The following PHC2 variants were observed in gnomAD, a reference collection of about 807,000 sequenced individuals.
PHC2 encodes polyhomeotic homolog 2, also known as polyhomeotic-like protein 2.
A neutral mutation model predicts 87.4 loss-of-function variants in PHC2; 29 were observed. That is an observed-to-expected ratio of 0.33 (90% CI 0.25 to 0.45). The LOEUF (loss-of-function observed/expected upper bound fraction) is 0.45, where lower values mean the gene tolerates loss of function less well. PHC2 is among the 20% of genes least tolerant of loss of function. PHC2 has a pLI of 1.00. For missense variants in PHC2, 857 were observed against 1,136.7 expected, an observed-to-expected ratio of 0.75 and a Z score of 3.54; for synonymous variants, 438 against 461.7, an observed-to-expected ratio of 0.95 and a Z score of 0.66.
At chr1:33,418,158 C>T (rs1650284758) in intron 1 of PHC2, among the ~76,000 whole-genome samples, 1 of 151,984 alleles carries the variant, frequency 6.6e-6, no homozygotes, top group South Asian at 2.1e-4. Flanking sequence ...ACCTCAGCTT[C>T]TATTTTGTTA....
chr1:33,354,597 T>A, intron 8 of PHC2, 31 bp from the exon 9 acceptor site: 1 of 1,594,988 alleles, frequency 6.3e-7, no homozygotes. Context: ...GAGGGGGGCC[T>A]CTCAGAAATA....
intron 9 of PHC2, among the ~76,000 whole-genome samples, chr1:33,343,081 G>T (rs1297863139): frequency 3.3e-5 from 5 of 152,136 alleles, no homozygotes; most frequent in Admixed American, 2.6e-4. Flanking sequence ...TGTCTGGGAG[G>T]TTTCAGTAAA....
intron 1 of PHC2, among the ~76,000 whole-genome samples, chr1:33,414,725 A>C (rs1650132310): frequency 6.6e-6 from 1 of 152,198 alleles, no homozygotes; most frequent in Non-Finnish European, 1.5e-5. Flanking sequence ...GGAAGATCTA[A>C]ATCTCCTAAA....
intron 1 of PHC2, among the ~76,000 whole-genome samples, chr1:33,427,427 T>G (rs1650724131): frequency 6.6e-6 from 1 of 152,216 alleles, no homozygotes; most frequent in Admixed American, 6.5e-5. Flanking sequence ...AATCTTCCGC[T>G]TGACTGTGCT....
intron 7 of PHC2, among the ~76,000 whole-genome samples, chr1:33,355,692 C>T (rs1557830583): frequency 6.6e-6 from 1 of 152,346 alleles, no homozygotes; most frequent in East Asian, 1.9e-4. Flanking sequence ...GGCTAGTCCT[C>T]ATCCAGCCTC....
intron 1 of PHC2, among the ~76,000 whole-genome samples, chr1:33,376,418 T>G (rs1344657147): frequency 6.6e-6 from 1 of 152,208 alleles, no homozygotes; most frequent in Non-Finnish European, 1.5e-5. Context: ...TGAGATCAGG[T>G]CTGGCTGATT....
At chr1:33,365,680 G>A (rs954856522) in intron 7 of PHC2, among the ~76,000 whole-genome samples, 1 of 152,242 alleles carries the variant, frequency 6.6e-6, no homozygotes, top group African/African-American at 2.4e-5. Flanking sequence ...TGAAGCCACA[G>A]GGCCGTGAGG....
At chr1:33,420,860 C>T (rs1265558147) in intron 1 of PHC2, among the ~76,000 whole-genome samples, 1 of 152,180 alleles carries the variant, frequency 6.6e-6, no homozygotes, top group Non-Finnish European at 1.5e-5. Context: ...ATCCTCCTGC[C>T]TCAGCCTCCC....
chr1:33,387,457 C>T (rs368781365), intron 1 of PHC2, among the ~76,000 whole-genome samples: 12 of 152,326 alleles, frequency 7.9e-5, no homozygotes, highest in African/African-American at 2.9e-4. Context: ...TCTCCCATCA[C>T]AAGGGCCTTA....
At position 33,368,494 on chromosome 1, in the gene PHC2, G is replaced by A. The variant is rs1203846259; in HGVS notation, c.663+42C>T. ...CCCAGTATCAGTGCCCCTCTACAGGGGTGCCCACCCCCCTGCCCTCCCACA... is the reference window on the plus strand; with the variant it reads ...CCCAGTATCAGTGCCCCTCTACAGGAGTGCCCACCCCCCTGCCCTCCCACA... On this transcript the variant is annotated intron_variant, in intron 6 of 14. Transcript: ENST00000683057. This position sits in a 1 kb window ranked among gnomAD's most constrained non-coding sequence, Gnocchi z 6.6. 1 of 1,095,094 alleles carries A rather than the reference G, an allele frequency of 9.1e-7. No individual in the cohort carries two copies. The highest frequency in any genetic ancestry group is 2.2e-5 in the Admixed American group (1 of 44,848). 67.8% of individuals were successfully genotyped at this position (1,095,094 alleles called of 1,614,324 possible). A position where few individuals can be genotyped will look rare whatever the true frequency, so the allele number is the denominator to read the frequency against.
chr1:33,420,137 C>T (rs1410002504), intron 1 of PHC2, among the ~76,000 whole-genome samples: 1 of 152,146 alleles, frequency 6.6e-6, no homozygotes, highest in African/African-American at 2.4e-5. Context: ...ACATAAACAA[C>T]ATTTATTTTT....
intron 1 of PHC2, among the ~76,000 whole-genome samples, chr1:33,420,290 A>T (rs1570516229): frequency 1.3e-5 from 2 of 152,222 alleles, no homozygotes; most frequent in Non-Finnish European, 2.9e-5. Flanking sequence ...TAACATACAA[A>T]CTCAAATCTA....
intron 7 of PHC2, among the ~76,000 whole-genome samples, chr1:33,361,901 A>G (rs759895425): frequency 9.9e-5 from 15 of 152,254 alleles, no homozygotes; most frequent in Admixed American, 2.0e-4. Context: ...AGTCATTTAC[A>G]GCCCATAGGA....
Position 33,331,400 on chromosome 1 carries a change from C to A in PHC2, c.1954G>T (p.Ala652Ser), listed in dbSNP as rs769415894. 3 of 1,613,152 alleles carry A rather than the reference C, an allele frequency of 1.9e-6. No homozygotes were observed. The highest frequency in any genetic ancestry group is 2.7e-5 in the African/African-American group (2 of 74,884). ...CGCTTGGAACGCTTGAACTTATAGG[C>A]AAAGTCCACCCGGCCACAGAGCTCA... ...KCELCGRVDFAYKFKRSKRFC... is the reference protein window; with the variant it reads ...KCELCGRVDFSYKFKRSKRFC... The change falls in exon 12 of 15, where the codon GCC becomes TCC. Residue 652 changes from alanine (A) to serine (S), a missense_variant. Transcript: ENST00000683057. The surrounding 1 kb of genome is among the most constrained non-coding windows in gnomAD (Gnocchi z 5.2).
At chr1:33,370,195 G>A (rs554599768) in intron 5 of PHC2, among the ~76,000 whole-genome samples, 12 of 152,290 alleles carry the variant, frequency 7.9e-5, no homozygotes, top group African/African-American at 9.6e-5. Flanking sequence ...AGGTGGCATC[G>A]CAGGAACTTT....
At chr1:33,418,905 G>C (rs887079903) in intron 1 of PHC2, among the ~76,000 whole-genome samples, 1 of 152,210 alleles carries the variant, frequency 6.6e-6, no homozygotes, top group Non-Finnish European at 1.5e-5. Context: ...CTGTCACTTT[G>C]TCCTTTGTGG....
At chr1:33,350,009 T>G in intron 9 of PHC2, 1 of 254,192 alleles carries the variant, frequency 3.9e-6, no homozygotes, top group Non-Finnish European at 6.1e-6. Context: ...GGCCGCGCGC[T>G]TCCTTTGTGC....
chr1:33,352,121 G>C (rs533775988), intron 9 of PHC2, among the ~76,000 whole-genome samples: 1 of 152,276 alleles, frequency 6.6e-6, no homozygotes, highest in African/African-American at 2.4e-5. Context: ...AATTTTGAGA[G>C]CTTTATGGAG....
At chr1:33,396,258 C>T (rs928476915) in intron 1 of PHC2, among the ~76,000 whole-genome samples, 1 of 151,886 alleles carries the variant, frequency 6.6e-6, no homozygotes, top group Admixed American at 6.6e-5. Context: ...CACAAATCCA[C>T]AGGGTTAATG....
Sources: allele counts gnomAD v4.1 joint callset (sites outside exome capture counted in the v4.1 genomes callset), GRCh38; gene constraint gnomAD v4.1.1; non-coding constraint Gnocchi (gnomAD v3.1); transcripts MANE v1.5; gene names NCBI Gene and HGNC (gene_info 2026-07-23, HGNC 2026-07-21).